The following BPIFB3 variants were observed in gnomAD, a reference collection of about 807,000 sequenced individuals.
The protein encoded by BPIFB3 is BPI fold containing family B member 3, also known as BPI fold-containing family B member 3.
A neutral mutation model predicts 53.1 loss-of-function variants in BPIFB3; 49 were observed. The ratio of observed to expected loss-of-function variants is 0.92; its 90% CI spans 0.73 to 1.17. BPIFB3 has a LOEUF of 1.17. Ranked by LOEUF, BPIFB3 falls within the 50% of genes most tolerant of loss-of-function variation. BPIFB3 has a pLI of 0.00. For synonymous variants in BPIFB3, 271 were observed against 269.6 expected (o/e 1.01, Z -0.05); for missense variants, 628 against 592.5 (o/e 1.06, Z -0.62).
exon 11 of BPIFB3, chr20:33,069,916 C>T: frequency 6.2e-7 from 1 of 1,614,194 alleles, no homozygotes; most frequent in Non-Finnish European, 8.5e-7. Context: ...CAGCTGGCTC[C>T]CTCGGCTACC....
chr20:33,060,003 C>A (rs1980383156), exon 4 of BPIFB3: 1 of 1,614,128 alleles, frequency 6.2e-7, no homozygotes, highest in Non-Finnish European at 8.5e-7. Flanking sequence ...CTGCAGCACG[C>A]TCCTGGGCCA....
intron 5 of BPIFB3, 46 bp downstream of exon 6, chr20:33,061,877 G>C: frequency 6.2e-7 from 1 of 1,603,768 alleles, no homozygotes; most frequent in South Asian, 1.1e-5. Flanking sequence ...CCAGGACTGG[G>C]CCTCTTTCCC....
rs756777068 is a variant in BPIFB3 at position 33,055,503 on chromosome 20, C to T, written c.80C>T (p.Thr27Met). ...ACTCCATGCCAGGAGCTGCTAGAGA[C>T]GGTGGGCACGCTCGCTCGGATTGAC... The change falls in exon 1 of 15, where the codon ACG (threonine) becomes ATG (methionine). Residue 27 changes from threonine (T) to methionine (M), a missense_variant. Coordinates refer to ENST00000375494, the Ensembl canonical transcript of BPIFB3. 75 of 1,613,576 alleles carry T rather than the reference C, an allele frequency of 4.6e-5. No homozygotes were observed. The highest frequency in any genetic ancestry group is 6.7e-5 in the African/African-American group (5 of 74,896).
exon 5 of BPIFB3, chr20:33,061,792 G>A (rs1324002095): frequency 8.1e-6 from 13 of 1,614,076 alleles, no homozygotes; most frequent in Non-Finnish European, 1.0e-5. Flanking sequence ...CACTCTTTGG[G>A]GTCGTGGAAC....
chr20:33,056,771 T>C, intron 2 of BPIFB3, 73 bp downstream of exon 3: 1 of 1,483,460 alleles, frequency 6.7e-7, no homozygotes, highest in Non-Finnish European at 8.9e-7. Flanking sequence ...AGATTGTCTC[T>C]TTGTAATTTG....
At chr20:33,065,703 G>A (rs1404383829) in intron 8 of BPIFB3, among the ~76,000 whole-genome samples, 3 of 152,200 alleles carry the variant, frequency 2.0e-5, no homozygotes, top group Non-Finnish European at 4.4e-5. Flanking sequence ...CTTCCATTCT[G>A]TCCATTCTGG....
intron 1 of BPIFB3, 64 bp from the exon 3 acceptor site, chr20:33,056,477 GC>G (rs1980209127): frequency 6.4e-7 from 1 of 1,574,658 alleles, no homozygotes; most frequent in Non-Finnish European, 8.7e-7. Context: ...GAAGGAGGCA[GC>G]TGCCATGGTC....
In BPIFB3 at chr20:33,068,984, A is replaced by ACGGAGTTCACCCCTTGAC. The variant is rs764074906; in HGVS notation, c.1149+11_1149+12insCGGAGTTCACCCCTTGAC. The ACGGAGTTCACCCCTTGAC allele has an allele frequency of 1.9e-6, 3 of 1,607,630 alleles. No homozygotes were observed. The highest frequency in any genetic ancestry group is 2.6e-6 in the Non-Finnish European group (3 of 1,175,114). On this transcript the variant is annotated intron_variant, in intron 10 of 14. Coordinates refer to ENST00000375494, the Ensembl canonical transcript of BPIFB3. ...TTTGAGCTGAACTCCGTGAGTGGTC[A>ACGGAGTTCACCCCTTGAC]AGGGGTGGCTGGGGGCCCGGCATTG...
rs778029508 is a variant in BPIFB3, at chr20:33,071,250, C to G, written c.1218-3C>G. ...GCCCCAGCATCTCTCTTCTCTCCAC[C>G]AGGCTCAGTGTCAAGGTGGCCTCCT... On this transcript the variant is annotated splice_region_variant and splice_polypyrimidine_tract_variant and intron_variant, in intron 11 of 14. Coordinates refer to ENST00000375494, the Ensembl canonical transcript of BPIFB3. The G allele has an allele frequency of 4.5e-6, 7 of 1,563,090 alleles. No homozygotes were observed. Among genetic ancestry groups the G allele is most frequent in the Non-Finnish European group, 6.1e-6 (7 of 1,152,572 alleles).
chr20:33,073,542 CAG>C (rs758292742), intron 14 of BPIFB3, 32 bp from the exon 16 acceptor site: 6 of 1,613,496 alleles, frequency 3.7e-6, no homozygotes, highest in Non-Finnish European at 5.1e-6. Context: ...TGCAGAGACT[CAG>C]GGGTGTAACC....
rs765185185 is a variant in BPIFB3, at chr20:33,059,420, G to A, written c.324G>A (p.Lys108=). ...TCACGCTGCCAAAGGTGTTGCTGAA[G>A]CTGCTGCCGGGATTTGGGGTGCAGC... Residue 108 remains lysine (K), a synonymous_variant, in exon 3 of 15, where the codon AAG becomes AAA. Coordinates refer to ENST00000375494, the Ensembl canonical transcript of BPIFB3. 8.7e-6 allele frequency: 14 copies of A among 1,613,088 alleles called. No homozygotes were observed. In the Admixed American group the frequency reaches 1.0e-4, roughly 12 times the overall value.
At chr20:33,072,673 TC>T in intron 13 of BPIFB3, 43 bp from the exon 15 acceptor site, 4 of 1,547,098 alleles carry the variant, frequency 2.6e-6, no homozygotes, top group Non-Finnish European at 2.7e-6. Flanking sequence ...GTCCAAGAGC[TC>T]CCCACCAATG....
chr20:33,065,581 AGAAG>A (rs1320959445), intron 8 of BPIFB3, among the ~76,000 whole-genome samples: 5 of 149,574 alleles, frequency 3.3e-5, no homozygotes, highest in African/African-American at 5.0e-5. Context: ...GAGAGAGAAA[AGAAG>A]GAAGGAAGGA....
At chr20:33,059,331 C>A in intron 2 of BPIFB3, 47 bp from the exon 4 acceptor site, 1 of 1,461,066 alleles carries the variant, frequency 6.8e-7, no homozygotes, top group Non-Finnish European at 9.4e-7. Context: ...GCCGCCTGGG[C>A]TGGGATGTCT....
chr20:33,067,687 G>A (rs1325133202), intron 9 of BPIFB3, among the ~76,000 whole-genome samples: 1 of 152,230 alleles, frequency 6.6e-6, no homozygotes, highest in Non-Finnish European at 1.5e-5. Flanking sequence ...AGAGGGACAT[G>A]GGGCAAGTGG....
chr20:33,072,166 C>A (rs764502424), exon 13 of BPIFB3: 3 of 1,614,000 alleles, frequency 1.9e-6, no homozygotes, highest in Non-Finnish European at 8.5e-7. Flanking sequence ...CAAAGCTTAA[C>A]GGTATGGCAG....
intron 6 of BPIFB3, 138 bp downstream of exon 7, chr20:33,063,813 C>G (rs1980552048): frequency 2.3e-6 from 2 of 874,788 alleles, no homozygotes; most frequent in South Asian, 1.8e-5. Context: ...GACAGGCTGC[C>G]CCTTTGAGGA....
chr20:33,069,954 C>T (rs747168207), exon 11 of BPIFB3: 75 of 1,614,050 alleles, frequency 4.6e-5, no homozygotes, highest in Admixed American at 1.7e-4. Flanking sequence ...GTCCCTGGAA[C>T]GGTAACTTGG....
At chr20:33,068,728 C>T (rs1353539508) in intron 9 of BPIFB3, 75 bp from the exon 11 acceptor site, 1 of 1,476,894 alleles carries the variant, frequency 6.8e-7, no homozygotes, top group African/African-American at 1.4e-5. Context: ...CTGGTAGGTG[C>T]TTAGTGAGTG....
Sources: gnomAD v4.1 joint callset for allele counts (sites outside exome capture counted in the v4.1 genomes callset) on GRCh38, gnomAD v4.1.1 for gene constraint, MANE v1.5 for transcripts, NCBI Gene and HGNC (gene_info 2026-07-23, HGNC 2026-07-21) for gene names.